PTCHD4: variants seen among roughly 807,000 people sequenced by gnomAD.
The protein encoded by PTCHD4 is patched domain-containing protein 4.
In PTCHD4, 33 loss-of-function variants were observed where a neutral mutation model predicts 58.1. That is an observed-to-expected ratio of 0.57 (90% CI 0.43 to 0.76). The LOEUF (loss-of-function observed/expected upper bound fraction) is 0.76. PTCHD4 is among the 30% of genes least tolerant of loss of function. PTCHD4 has a pLI of 0.00. For missense variants in PTCHD4, 1,058 were observed against 1,027.1 expected (o/e 1.03, Z -0.41); for synonymous variants, 478 against 409.6 (o/e 1.17, Z -2.02).
intron 4 of PTCHD4, among the ~76,000 whole-genome samples, chr6:47,908,597 A>C (rs1764974464): frequency 6.6e-6 from 1 of 152,106 alleles, no homozygotes. Flanking sequence ...AGTTTCCCTC[A>C]TGCCACTCTT....
rs1254147345 is a variant in PTCHD4 at position 47,874,021 on chromosome 6, C to T, written c.*4282G>A. Among the ~76,000 whole-genome samples the T allele has an allele frequency of 6.6e-6, 1 of 151,748 alleles. No individual in the cohort carries two copies. The highest frequency in any genetic ancestry group is 2.4e-5 in the African/African-American group (1 of 41,364). ...AGTAGGATGCCGAGCAAATCATTGACTTCTCCAATCTCTAAGAGACAATAT... is the reference window on the plus strand; with the variant it reads ...AGTAGGATGCCGAGCAAATCATTGATTTCTCCAATCTCTAAGAGACAATAT... On this transcript the variant is annotated 3_prime_UTR_variant, in exon 5 of 5. Coordinates refer to ENST00000339488, the MANE Select transcript of PTCHD4 (RefSeq NM_001384253.1).
intron 3 of PTCHD4, among the ~76,000 whole-genome samples, chr6:48,064,644 C>T (rs1035787561): frequency 1.3e-5 from 2 of 151,898 alleles, no homozygotes; most frequent in Admixed American, 6.6e-5. Flanking sequence ...TAAAAGTAAG[C>T]CACAAAAGTT....
chr6:48,092,241 T>G (rs1765381041), intron 1 of PTCHD4, among the ~76,000 whole-genome samples: 1 of 152,214 alleles, frequency 6.6e-6, no homozygotes, highest in African/African-American at 2.4e-5. Flanking sequence ...GATAAGCCTA[T>G]TAGCCATGGT....
At chr6:47,902,524 C>T (rs1305604131) in intron 4 of PTCHD4, among the ~76,000 whole-genome samples, 1 of 151,992 alleles carries the variant, frequency 6.6e-6, no homozygotes, top group African/African-American at 2.4e-5. Flanking sequence ...ATTCTAGAAC[C>T]CAGAAAGATG....
chr6:47,942,547 C>CT lies in PTCHD4; in HGVS notation c.899-62612dup, dbSNP rs373048918. 4.4e-3 allele frequency among the ~76,000 whole-genome samples: 665 copies of CT among 152,288 alleles called. 10 individuals are homozygous for CT. The highest frequency in any genetic ancestry group is 0.015 in the African/African-American group (617 of 41,554). On this transcript the variant is annotated intron_variant, in intron 4 of 4. Transcript: ENST00000339488. ...GCTGGTGAAGGTTGCCAAGGTCGCC[C>CT]TGTTAGGCACAGACAGCTGAAAGTT... is the stretch of plus-strand genomic sequence containing the variant.
chr6:47,933,500 C>A lies in PTCHD4; in HGVS notation c.899-53564G>T, dbSNP rs191238427. Among the ~76,000 whole-genome samples, 451 of 152,248 alleles carry A rather than the reference C, an allele frequency of 3.0e-3. 5 individuals carry two copies. The highest frequency in any genetic ancestry group is 9.2e-3 in the African/African-American group (382 of 41,534). On this transcript the variant is annotated intron_variant, in intron 4 of 4. Transcript: ENST00000339488. ...AAAGTGATTATAAATATTTATCCAT[C>A]CTGACTATAAATCTCAATAAGGAAC...
At chr6:48,088,875 C>G (rs1048709127) in intron 1 of PTCHD4, among the ~76,000 whole-genome samples, 2 of 152,212 alleles carry the variant, frequency 1.3e-5, no homozygotes, top group East Asian at 3.9e-4. Flanking sequence ...AAAACCCTGT[C>G]TCTCCTAAAA....
At chr6:47,918,607 C>T (rs76995035) in intron 4 of PTCHD4, among the ~76,000 whole-genome samples, 93 of 152,204 alleles carry the variant, frequency 6.1e-4, no homozygotes, top group East Asian at 1.5e-3. Context: ...AATGCTGTAG[C>T]GGTCATTCAT....
At chr6:48,063,966 C>T (rs958390034) in intron 3 of PTCHD4, among the ~76,000 whole-genome samples, 1 of 152,080 alleles carries the variant, frequency 6.6e-6, no homozygotes, top group Non-Finnish European at 1.5e-5. Context: ...GAGCATGCAC[C>T]CAAAATGTAC....
chr6:48,015,983 A>C (rs191363698), intron 3 of PTCHD4, among the ~76,000 whole-genome samples: 1 of 152,026 alleles, frequency 6.6e-6, no homozygotes, highest in East Asian at 1.9e-4. Flanking sequence ...AACAGTAGGA[A>C]CTCAAATGAA....
At chr6:47,931,597 G>A (rs1233380809) in intron 4 of PTCHD4, among the ~76,000 whole-genome samples, 1 of 152,164 alleles carries the variant, frequency 6.6e-6, no homozygotes, top group East Asian at 1.9e-4. Context: ...TCCTTTACTT[G>A]CTGTAAAAAT....
At chr6:47,948,317 C>T (rs2113940081) in intron 4 of PTCHD4, among the ~76,000 whole-genome samples, 1 of 152,270 alleles carries the variant, frequency 6.6e-6, no homozygotes, top group Middle Eastern at 3.4e-3. Context: ...ACGAGAGGCT[C>T]TTTGCAAGAC....
At position 47,989,832 on chromosome 6, in the gene PTCHD4, G is replaced by A. The variant is rs146837605; in HGVS notation, c.898+18802C>T. 5.2e-3 allele frequency among the ~76,000 whole-genome samples: 798 copies of A among 152,260 alleles called. 4 individuals carry two copies. Among genetic ancestry groups the A allele is most frequent in the African/African-American group, 0.016 (679 of 41,548 alleles). On this transcript the variant is annotated intron_variant, in intron 4 of 4. Transcript: ENST00000339488. ...GGAGACCCCACAGAGAGGCCCCACC[G>A]GGGCACCACCTAGTGGAGCTGTGCG... is the stretch of plus-strand genomic sequence containing the variant.
At chr6:47,954,794 A>G (rs573328420) in intron 4 of PTCHD4, among the ~76,000 whole-genome samples, 17 of 152,202 alleles carry the variant, frequency 1.1e-4, no homozygotes, top group Non-Finnish European at 2.1e-4. Context: ...TTATTTACCC[A>G]TCCCTTGGCT....
At chr6:47,967,999 T>A (rs1190620227) in intron 4 of PTCHD4, among the ~76,000 whole-genome samples, 1 of 152,200 alleles carries the variant, frequency 6.6e-6, no homozygotes, top group East Asian at 1.9e-4. Flanking sequence ...GAACTTTTCC[T>A]TTGCATTTAC....
chr6:47,982,065 G>A (rs1767899166), intron 4 of PTCHD4, among the ~76,000 whole-genome samples: 1 of 152,098 alleles, frequency 6.6e-6, no homozygotes, highest in African/African-American at 2.4e-5. Context: ...ACATTTAACT[G>A]TCAAAATATC....
intron 4 of PTCHD4, among the ~76,000 whole-genome samples, chr6:47,928,963 T>A (rs1399969889): frequency 6.6e-6 from 1 of 152,204 alleles, no homozygotes; most frequent in Non-Finnish European, 1.5e-5. Flanking sequence ...AAATTTCTAA[T>A]CTAAAACAAG....
chr6:47,924,395 G>C (rs1313331820), intron 4 of PTCHD4, among the ~76,000 whole-genome samples: 1 of 152,160 alleles, frequency 6.6e-6, no homozygotes, highest in Non-Finnish European at 1.5e-5. Context: ...TTGAAACTCA[G>C]TGGCACAGAG....
At chr6:47,999,265 G>A (rs116939583) in intron 4 of PTCHD4, among the ~76,000 whole-genome samples, 124 of 152,288 alleles carry the variant, frequency 8.1e-4, no homozygotes, top group East Asian at 8.1e-3. Flanking sequence ...ACTCCAAGTC[G>A]TCTGACTCTA....
Sources: gnomAD v4.1 joint callset for allele counts (sites outside exome capture counted in the v4.1 genomes callset) on GRCh38, gnomAD v4.1.1 for gene constraint, MANE v1.5 for transcripts, NCBI Gene and HGNC (gene_info 2026-07-23, HGNC 2026-07-21) for gene names.